The following NCKAP1 variants were observed in gnomAD, a reference collection of about 807,000 sequenced individuals.
The protein encoded by NCKAP1 is nck-associated protein 1.
A neutral mutation model predicts 151.2 loss-of-function variants in NCKAP1; 21 were observed. The observed-to-expected ratio is 0.14, with a 90% CI of 0.10 to 0.20. The LOEUF (loss-of-function observed/expected upper bound fraction) is 0.20, where lower values mean the gene tolerates loss of function less well. NCKAP1 is among the 10% of genes least tolerant of loss of function. The pLI is 1.00. For synonymous variants in NCKAP1, 484 were observed against 451.8 expected, an observed-to-expected ratio of 1.07 and a Z score of -0.90; for missense variants, 933 against 1,352.1, an observed-to-expected ratio of 0.69 and a Z score of 4.86.
intron 23 of NCKAP1, chr2:182,947,047 CAA>C (rs980414700): frequency 6.6e-6 from 1 of 152,220 alleles, no homozygotes; most frequent in East Asian, 1.9e-4. Context: ...CACTAATCTC[CAA>C]AAGACTTCCA....
At chr2:183,034,207 T>C (rs1699058507) in intron 1 of NCKAP1, among the ~76,000 whole-genome samples, 1 of 152,164 alleles carries the variant, frequency 6.6e-6, no homozygotes. Context: ...CTAAAGACTT[T>C]CAATTTTACA....
chr2:183,017,305 A>T (rs1698711451), intron 2 of NCKAP1, among the ~76,000 whole-genome samples: 1 of 152,200 alleles, frequency 6.6e-6, no homozygotes, highest in Non-Finnish European at 1.5e-5. Context: ...ATGTAATGAA[A>T]TAATTACACA....
intron 18 of NCKAP1, among the ~76,000 whole-genome samples, chr2:182,961,203 A>G (rs1697442483): frequency 6.6e-6 from 1 of 152,170 alleles, no homozygotes; most frequent in African/African-American, 2.4e-5. Flanking sequence ...AACTAGAAAT[A>G]CCATTTGACC....
intron 2 of NCKAP1, among the ~76,000 whole-genome samples, chr2:183,015,967 G>A (rs941060289): frequency 1.3e-5 from 2 of 152,048 alleles, no homozygotes; most frequent in African/African-American, 2.4e-5. Context: ...AGGCTTGAGA[G>A]GGGAAGTAAG....
intron 21 of NCKAP1, 52 bp from the exon 22 acceptor site, chr2:182,952,975 T>G: frequency 6.4e-7 from 1 of 1,553,448 alleles, no homozygotes. Context: ...ATTCAGAATG[T>G]ATCATGATAT....
In NCKAP1 at chr2:182,915,168, C is replaced by T. The variant is rs1696447667; in HGVS notation, c.*10534G>A. 6.6e-6 allele frequency: 1 copy of T among 152,168 alleles called. No individual in the cohort carries two copies. Among genetic ancestry groups the T allele is most frequent in the Admixed American group, 6.5e-5 (1 of 15,272 alleles). 9.4% of individuals were successfully genotyped at this position (152,168 alleles called of 1,614,324 possible). A position where few individuals can be genotyped will look rare whatever the true frequency, so the allele number is the denominator to read the frequency against. On this transcript the variant is annotated 3_prime_UTR_variant, in exon 31 of 31. Transcript: ENST00000361354. ...GATACAATGAAGTTAATAAATGAAGCAAAGCAGATTTCTAGACTAGGCTTC... is the reference window on the plus strand; with the variant it reads ...GATACAATGAAGTTAATAAATGAAGTAAAGCAGATTTCTAGACTAGGCTTC...
intron 3 of NCKAP1, 91 bp from the exon 4 acceptor site, chr2:183,003,121 G>A: frequency 1.5e-6 from 2 of 1,316,834 alleles, no homozygotes; most frequent in South Asian, 2.8e-5. Flanking sequence ...TTAAACTTCA[G>A]TTCTGGAAGA....
chr2:182,999,698 A>G (rs1698341705), intron 6 of NCKAP1, among the ~76,000 whole-genome samples: 2 of 152,148 alleles, frequency 1.3e-5, no homozygotes, highest in African/African-American at 4.8e-5. Flanking sequence ...ACACACTTGC[A>G]CTCGTATGTT....
rs1697835301 is a variant in NCKAP1, at chr2:182,976,923, T to C, written c.1452A>G (p.Arg484=). 4 of 1,545,876 alleles carry C rather than the reference T, an allele frequency of 2.6e-6. No homozygotes were observed. Among genetic ancestry groups the C allele is most frequent in the Non-Finnish European group, 2.6e-6 (3 of 1,143,750 alleles). Reference sequence around the variant, plus strand: ...ACCTAAACCAATCTAATCTCATTCCTCTGAAATCAAATACTTCCCCATCTT... The same window carrying C: ...ACCTAAACCAATCTAATCTCATTCCCCTGAAATCAAATACTTCCCCATCTT... ...QVEDGEVFDF[R]GMRLDWFRLQ... The change falls in exon 15 of 31, where the codon AGA becomes AGG. Residue 484 remains arginine (R), a synonymous_variant. Transcript: ENST00000361354.
chr2:182,952,471 T>C lies in NCKAP1; in HGVS notation c.2535A>G (p.Pro845=), dbSNP rs765761131. The change falls in exon 23 of 31, where the codon CCA becomes CCG. Residue 845 remains proline, a synonymous_variant. Coordinates refer to ENST00000361354, the MANE Select transcript of NCKAP1 (RefSeq NM_013436.5). ...EMRSLSELLG[P]YGMKFLSESL... ...TTTCACTTAGAAACTTCATACCATA[T>C]GGGCCTAGTAGTTCTGATAATGACC... is the stretch of plus-strand genomic sequence containing the variant. 2.5e-6 allele frequency: 4 copies of C among 1,609,866 alleles called. No individual in the cohort carries two copies. The Admixed American group carries it at 5.1e-5, about 20-fold the overall frequency.
At chr2:183,017,031 G>C (rs1482160298) in intron 2 of NCKAP1, among the ~76,000 whole-genome samples, 2 of 152,084 alleles carry the variant, frequency 1.3e-5, no homozygotes, top group Admixed American at 1.3e-4. Flanking sequence ...CAGCTCAAGG[G>C]GGGAAACACA....
intron 16 of NCKAP1, among the ~76,000 whole-genome samples, chr2:182,966,875 A>G (rs1026421842): frequency 5.3e-5 from 8 of 152,190 alleles, no homozygotes; most frequent in African/African-American, 1.7e-4. Context: ...CACTTGCTCT[A>G]TTTGACCTTG....
Position 182,917,639 on chromosome 2 carries a change from T to C in NCKAP1, c.*8063A>G, listed in dbSNP as rs1373432798. 6.6e-6 allele frequency: 1 copy of C among 152,198 alleles called. No individual in the cohort carries two copies. Among genetic ancestry groups the C allele is most frequent in the Non-Finnish European group, 1.5e-5 (1 of 68,016 alleles). The allele number at this position is 152,198 out of a possible 1,614,324, so 9.4% of individuals were successfully genotyped here. On this transcript the variant is annotated 3_prime_UTR_variant, in exon 31 of 31. Transcript: ENST00000361354. ...TTTAGAGAGCTCTTGGCACGAACTT[T>C]AATATTAGACCAAGTGTTGTATGTT...
chr2:182,957,404 T>A, intron 19 of NCKAP1, 53 bp downstream of exon 19: 1 of 1,543,344 alleles, frequency 6.5e-7, no homozygotes, highest in South Asian at 1.3e-5. Flanking sequence ...TAGAAAAAAA[T>A]GAAATAAATA....
chr2:182,965,420 G>A (rs1029433959), intron 16 of NCKAP1, among the ~76,000 whole-genome samples: 8 of 151,862 alleles, frequency 5.3e-5, no homozygotes, highest in Non-Finnish European at 8.8e-5. Context: ...AACCTCTTGG[G>A]CTCAAGCAAT....
At chr2:182,938,557 ACAAT>A (rs1204938022) in intron 24 of NCKAP1, among the ~76,000 whole-genome samples, 1 of 152,194 alleles carries the variant, frequency 6.6e-6, no homozygotes, top group Non-Finnish European at 1.5e-5. Flanking sequence ...GACAGGTGGG[ACAAT>A]CAAACAGTGC....
Position 183,035,294 on chromosome 2 carries a change from AAC to A in NCKAP1, c.108+2696_108+2697del, listed in dbSNP as rs573000468. ...TTGACTGATGAAATTAAAAAAAAAA[AAC>A]ATTCTTCAGTAATCATGCTCCAACT... On this transcript the variant is annotated intron_variant, in intron 1 of 30. Transcript: ENST00000361354. Among the ~76,000 whole-genome samples the A allele has an allele frequency of 4.1e-4, 63 of 152,192 alleles. 1 individual carries two copies. The South Asian group carries it at 0.013, about 32-fold the overall frequency.
At chr2:182,979,198 A>G (rs67966058) in intron 13 of NCKAP1, among the ~76,000 whole-genome samples, 49,797 of 151,998 alleles carry the variant, frequency 0.33, 11,428 homozygotes, top group African/African-American at 0.65. Flanking sequence ...CGAAAGTATA[A>G]TGACAAACAC....
intron 15 of NCKAP1, among the ~76,000 whole-genome samples, chr2:182,975,930 T>G (rs1309781941): frequency 1.3e-5 from 2 of 152,036 alleles, no homozygotes; most frequent in Admixed American, 1.3e-4. Flanking sequence ...TAAGTAAATA[T>G]TTTTTTAAAA....
Sources: allele counts gnomAD v4.1 joint callset (sites outside exome capture counted in the v4.1 genomes callset), GRCh38; gene constraint gnomAD v4.1.1; transcripts MANE v1.5; gene names NCBI Gene and HGNC (gene_info 2026-07-23, HGNC 2026-07-21).